DCUN1D4: variants seen among roughly 807,000 people sequenced by gnomAD.
DCUN1D4 encodes the protein DCN1-like protein 4.
Under a neutral mutation model 47.9 loss-of-function variants are expected in DCUN1D4, and 22 were observed. The ratio of observed to expected loss-of-function variants is 0.46; its 90% CI spans 0.33 to 0.66. The LOEUF (loss-of-function observed/expected upper bound fraction) is 0.66. Ranked by LOEUF, DCUN1D4 falls within the 30% of genes least tolerant of loss-of-function variation. The pLI is 0.02. For missense variants in DCUN1D4, 301 were observed against 340.8 expected (o/e 0.88, Z 0.92); for synonymous variants, 121 against 112.2 (o/e 1.08, Z -0.50).
intron 1 of DCUN1D4, chr4:51,844,763 G>A (rs1428123867): frequency 4.3e-6 from 4 of 921,872 alleles, no homozygotes; most frequent in African/African-American, 3.6e-5. Context: ...GGGAAAGGCG[G>A]TCCCGCCGAA....
intron 3 of DCUN1D4, among the ~76,000 whole-genome samples, chr4:51,870,642 T>G (rs914219344): frequency 6.6e-6 from 1 of 152,240 alleles, no homozygotes; most frequent in African/African-American, 2.4e-5. Flanking sequence ...TATTAGCTGC[T>G]GAGTATGCAC....
At chr4:51,857,146 G>C (rs769666340) in intron 1 of DCUN1D4, among the ~76,000 whole-genome samples, 14 of 152,106 alleles carry the variant, frequency 9.2e-5, no homozygotes, top group Non-Finnish European at 2.1e-4. Context: ...TAGAAGGGAG[G>C]GTGGGCAGTT....
chr4:51,899,015 T>C (rs1202987209), intron 7 of DCUN1D4, among the ~76,000 whole-genome samples: 1 of 152,192 alleles, frequency 6.6e-6, no homozygotes. Context: ...TGTATATGTA[T>C]ATGAGAGAGA....
chr4:51,834,753 G>A, the DCUN1D4 span, among the ~76,000 whole-genome samples: 7 of 152,084 alleles, frequency 4.6e-5, no homozygotes, highest in Non-Finnish European at 5.9e-5. Context: ...GGGACAGGAA[G>A]CTGGAAAGGG....
intron 8 of DCUN1D4, among the ~76,000 whole-genome samples, chr4:51,909,203 G>C (rs1733341361): frequency 6.6e-6 from 1 of 152,144 alleles, no homozygotes; most frequent in African/African-American, 2.4e-5. Context: ...GATGGTGGAA[G>C]AAGGCACAAT....
chr4:51,874,038 T>C (rs1476834344), intron 3 of DCUN1D4, among the ~76,000 whole-genome samples: 4 of 152,208 alleles, frequency 2.6e-5, no homozygotes, highest in African/African-American at 7.2e-5. Context: ...TAACTTCTAT[T>C]TCTGGTGTGA....
At chr4:51,841,172 T>C, upstream of DCUN1D4, among the ~76,000 whole-genome samples, 1 of 152,100 alleles carries the variant, frequency 6.6e-6, no homozygotes. Context: ...TTTAGAGGTG[T>C]CACGAAGGAA....
chr4:51,834,085 T>TA, the DCUN1D4 span, among the ~76,000 whole-genome samples: 3 of 114,172 alleles, frequency 2.6e-5, no homozygotes, highest in African/African-American at 8.9e-5. Flanking sequence ...TCTCTCTCTC[T>TA]CTTTTCTTTT....
chr4:51,883,130 A>G (rs955933199), intron 5 of DCUN1D4, among the ~76,000 whole-genome samples: 6 of 152,274 alleles, frequency 3.9e-5, no homozygotes, highest in African/African-American at 1.4e-4. Flanking sequence ...AGAATGAAGT[A>G]GATGTATGGG....
chr4:51,896,595 T>TA (rs1001571270), intron 7 of DCUN1D4, among the ~76,000 whole-genome samples: 4 of 152,114 alleles, frequency 2.6e-5, no homozygotes, highest in Non-Finnish European at 5.9e-5. Flanking sequence ...TACACACCAT[T>TA]AAAAAAATCT....
intron 1 of DCUN1D4, chr4:51,848,461 C>CAATA: frequency 1.1e-6 from 1 of 875,086 alleles, no homozygotes; most frequent in Non-Finnish European, 1.4e-6. Flanking sequence ...CTTAAGTTAA[C>CAATA]AATATAGTGA....
intron 7 of DCUN1D4, among the ~76,000 whole-genome samples, chr4:51,897,120 T>A (rs982161458): frequency 5.9e-5 from 9 of 152,236 alleles, no homozygotes; most frequent in African/African-American, 2.2e-4. Flanking sequence ...CTCAACTCTC[T>A]TAGCTTATGT....
chr4:51,874,624 C>G (rs990333431), intron 4 of DCUN1D4: 1 of 361,492 alleles, frequency 2.8e-6, no homozygotes, highest in Admixed American at 4.5e-5. Context: ...ATCCATTGAT[C>G]GCCCAAAACT....
chr4:51,863,496 C>G lies in DCUN1D4; in HGVS notation c.85C>G (p.Leu29Val). 1.2e-6 allele frequency: 2 copies of G among 1,611,916 alleles called. No homozygotes were observed. Among genetic ancestry groups the G allele is most frequent in the East Asian group, 2.2e-5 (1 of 44,768 alleles). Residue 29 changes from leucine to valine, a missense_variant, in exon 2 of 11, where the codon CTT becomes GTT. Coordinates refer to ENST00000334635, the MANE Select transcript of DCUN1D4 (RefSeq NM_001040402.3). ...AAATATTCATAAGATCTACCACACC[C>G]TTAATAAGCTGGTAAGTCATTCTTT... Reference protein sequence around the residue: ...LANIHKIYHTLNKLNLTEDIG... With the variant: ...LANIHKIYHTVNKLNLTEDIG...
At chr4:51,896,704 G>GT (rs1731320955) in intron 7 of DCUN1D4, among the ~76,000 whole-genome samples, 1 of 151,902 alleles carries the variant, frequency 6.6e-6, no homozygotes, top group Non-Finnish European at 1.5e-5. Context: ...TCTAGTCCCT[G>GT]TGACCCCCTC....
upstream of DCUN1D4, among the ~76,000 whole-genome samples, chr4:51,841,123 G>T (rs1013182777): frequency 6.6e-6 from 1 of 152,046 alleles, no homozygotes; most frequent in African/African-American, 2.4e-5. Flanking sequence ...AATTAATAGA[G>T]CAAATGACTA....
intron 8 of DCUN1D4, among the ~76,000 whole-genome samples, chr4:51,899,959 T>C (rs1426910858): frequency 6.6e-6 from 1 of 152,192 alleles, no homozygotes; most frequent in Non-Finnish European, 1.5e-5. Flanking sequence ...ATCTTACTTT[T>C]CAGCCTAGTC....
intron 3 of DCUN1D4, among the ~76,000 whole-genome samples, chr4:51,873,842 A>G (rs1258040838): frequency 6.6e-6 from 1 of 152,182 alleles, no homozygotes; most frequent in African/African-American, 2.4e-5. Context: ...GAAGCTTAAG[A>G]CTACTGGGAC....
chr4:51,890,972 G>T (rs1730330573), intron 6 of DCUN1D4, among the ~76,000 whole-genome samples: 1 of 152,204 alleles, frequency 6.6e-6, no homozygotes, highest in Admixed American at 6.5e-5. Flanking sequence ...TGGCACCTGG[G>T]GGCCTGCCCC....
Sources: allele counts gnomAD v4.1 joint callset (sites outside exome capture counted in the v4.1 genomes callset), GRCh38; gene constraint gnomAD v4.1.1; transcripts MANE v1.5; gene names NCBI Gene and HGNC (gene_info 2026-07-23, HGNC 2026-07-21).